ACSM2A: variants seen among roughly 807,000 people sequenced by gnomAD.
ACSM2A encodes the protein acyl-coenzyme A synthetase ACSM2A, mitochondrial.
A neutral mutation model predicts 76.6 loss-of-function variants in ACSM2A; 72 were observed. That is an observed-to-expected ratio of 0.94 (90% confidence interval 0.78 to 1.14). The LOEUF (loss-of-function observed/expected upper bound fraction) is 1.14. Ranked by LOEUF, ACSM2A falls within the 50% of genes most tolerant of loss-of-function variation. The pLI is 0.00. For missense variants in ACSM2A, 684 were observed against 708.5 expected, an observed-to-expected ratio of 0.97 and a Z score of 0.39; for synonymous variants, 249 against 255.9, an observed-to-expected ratio of 0.97 and a Z score of 0.26.
At chr16:20,469,394 G>T in intron 3 of ACSM2A, 118 bp from the exon 4 acceptor site, 17 of 1,516,432 alleles carry the variant, frequency 1.1e-5, no homozygotes, top group Non-Finnish European at 1.5e-5. Context: ...CTCTCTATTG[G>T]TCATTACTTC....
rs983606886 is a variant in ACSM2A, at chr16:20,471,090, A to G, written c.614A>G (p.His205Arg). Residue 205 changes from histidine to arginine, a missense_variant, in exon 5 of 14, where the codon CAT becomes CGT. By Grantham distance (29) the His-to-Arg change is conservative. This residue lies in a region of ACSM2A where 519 missense variants were observed against 549.5 expected (regional missense o/e 0.94). Coordinates refer to ENST00000573854, the MANE Select transcript of ACSM2A (RefSeq NM_001308172.2). Reference protein sequence around the residue: ...KKLLNEASTTHHCVETGSQEA... With the variant: ...KKLLNEASTTRHCVETGSQEA... Reference sequence around the variant, plus strand: ...TCTGTCAGTGAGGCATCCACCACTCATCACTGTGTGGAGACTGGAAGCCAG... The same window carrying G: ...TCTGTCAGTGAGGCATCCACCACTCGTCACTGTGTGGAGACTGGAAGCCAG... 2.5e-6 allele frequency: 4 copies of G among 1,613,586 alleles called. No individual in the cohort carries two copies. The highest frequency in any genetic ancestry group is 2.7e-5 in the African/African-American group (2 of 75,020).
intron 6 of ACSM2A, among the ~76,000 whole-genome samples, chr16:20,473,334 A>C (rs1049886580): frequency 1.6e-4 from 25 of 152,200 alleles, no homozygotes; most frequent in African/African-American, 5.8e-4. Context: ...AAGTTCCACC[A>C]TTAAAAAAAT....
At chr16:20,457,373 A>G (rs1033146956) in intron 1 of ACSM2A, among the ~76,000 whole-genome samples, 6 of 152,172 alleles carry the variant, frequency 3.9e-5, no homozygotes, top group South Asian at 2.1e-4. Flanking sequence ...AAAGAAAACT[A>G]CAGACCAATA....
chr16:20,472,834 C>T (rs565041551), intron 6 of ACSM2A, among the ~76,000 whole-genome samples: 1 of 152,258 alleles, frequency 6.6e-6, no homozygotes, highest in South Asian at 2.1e-4. Flanking sequence ...TAGCTGGCTG[C>T]AAAGTATTTC....
Position 20,480,859 on chromosome 16 carries a change from A to G in ACSM2A, c.1447A>G (p.Met483Val), listed in dbSNP as rs2014042642. 1.2e-6 allele frequency: 2 copies of G among 1,613,910 alleles called. No homozygotes were observed. Among genetic ancestry groups the G allele is most frequent in the East Asian group, 4.5e-5 (2 of 44,886 alleles). The change falls in exon 12 of 14, where the codon ATG becomes GTG. Residue 483 changes from methionine (M) to valine (V), a missense_variant. Around this residue, in one of 3 missense-constraint regions of ACSM2A, gnomAD observed 159 missense variants for 132.5 expected, o/e 1.20. Coordinates refer to ENST00000573854, the MANE Select transcript of ACSM2A (RefSeq NM_001308172.2). ...ACCCTCGGAGGTAGAGAATGCACTG[A>G]TGGAGCACCCTGCTGTGGTTGAGAC... ...IGPSEVENAL[M>V]EHPAVVETAV... is the part of the protein sequence containing the mutation.
chr16:20,465,287 A>G (rs2012913369), intron 2 of ACSM2A, among the ~76,000 whole-genome samples: 1 of 152,224 alleles, frequency 6.6e-6, no homozygotes, highest in Non-Finnish European at 1.5e-5. Context: ...TTATTTCTAA[A>G]AGCATACATT....
chr16:20,471,027 G>T, intron 4 of ACSM2A, 46 bp from the exon 5 acceptor site: 6 of 1,608,780 alleles, frequency 3.7e-6, no homozygotes, highest in Non-Finnish European at 5.1e-6. Flanking sequence ...TTGATATCTG[G>T]TGTCCAGTCT....
chr16:20,484,590 C>T (rs1053863375), intron 13 of ACSM2A, among the ~76,000 whole-genome samples: 7 of 139,842 alleles, frequency 5.0e-5, no homozygotes, highest in East Asian at 2.0e-4. Flanking sequence ...TTGGAATCAA[C>T]CCCTGGGGGA....
chr16:20,458,603 T>C (rs1034268711), intron 1 of ACSM2A, among the ~76,000 whole-genome samples: 11 of 143,918 alleles, frequency 7.6e-5, no homozygotes, highest in Non-Finnish European at 1.4e-4. Context: ...ATTTTTTATA[T>C]ATATATATAT....
intron 3 of ACSM2A, among the ~76,000 whole-genome samples, chr16:20,466,489 T>C (rs1237222335): frequency 6.6e-6 from 1 of 152,056 alleles, no homozygotes. Flanking sequence ...AGAGAAGAGT[T>C]TAATAATTGC....
chr16:20,486,629 A>G lies in ACSM2A; in HGVS notation c.1685A>G (p.Lys562Arg). The change falls in exon 14 of 14, where the codon AAG becomes AGG. Residue 562 changes from lysine (K) to arginine (R), a missense_variant. Coordinates refer to ENST00000573854, the MANE Select transcript of ACSM2A (RefSeq NM_001308172.2). ...KTVTGKIQRA[K>R]LRDKEWKMSG... The stretch of plus-strand genomic sequence containing the variant: ...GTCACAGGGAAAATTCAACGAGCCA[A>G]GCTTCGAGACAAGGAGTGGAAGATG... 1 of 1,614,196 alleles carries G rather than the reference A, an allele frequency of 6.2e-7. No individual in the cohort carries two copies. The highest frequency in any genetic ancestry group is 8.5e-7 in the Non-Finnish European group (1 of 1,180,016).
In ACSM2A at chr16:20,480,903, A is replaced by G; in HGVS notation, c.1491A>G (p.Pro497=). ...TTGAGACGGCTGTGATCAGCAGCCC[A>G]GACCCCGTCCGAGGAGAGGTGATGG... The part of the protein sequence containing the change: ...AVVETAVISS[P]DPVRGEVVKA... The change falls in exon 12 of 14, where the codon CCA becomes CCG. Residue 497 remains proline, a synonymous_variant. Transcript: ENST00000573854. 6.2e-7 allele frequency: 1 copy of G among 1,613,942 alleles called. No homozygotes were observed. The highest frequency in any genetic ancestry group is 8.5e-7 in the Non-Finnish European group (1 of 1,179,856).
intron 8 of ACSM2A, chr16:20,476,539 G>A (rs2013747749): frequency 1.0e-6 from 1 of 985,304 alleles, no homozygotes; most frequent in Non-Finnish European, 1.2e-6. Flanking sequence ...GGACAATGGA[G>A]TTGTGGCAAG....
chr16:20,475,576 A>G (rs1377480639), intron 7 of ACSM2A, 74 bp from the exon 8 acceptor site: 7 of 1,607,892 alleles, frequency 4.4e-6, no homozygotes, highest in African/African-American at 4.0e-5. Flanking sequence ...CAAAGCACCC[A>G]GAAACCCAGT....
chr16:20,468,356 C>T (rs1425174998), intron 3 of ACSM2A, among the ~76,000 whole-genome samples: 3 of 152,112 alleles, frequency 2.0e-5, no homozygotes, highest in Non-Finnish European at 4.4e-5. Context: ...TGTAGTTATT[C>T]TGTTCTTTTC....
intron 13 of ACSM2A, among the ~76,000 whole-genome samples, chr16:20,484,147 A>G (rs1368606849): frequency 1.3e-5 from 2 of 149,972 alleles, no homozygotes; most frequent in Non-Finnish European, 2.9e-5. Context: ...CCAATGTCAC[A>G]CTGATTAGCC....
At chr16:20,458,436 T>C (rs2012337736) in intron 1 of ACSM2A, among the ~76,000 whole-genome samples, 1 of 117,728 alleles carries the variant, frequency 8.5e-6, no homozygotes, top group Middle Eastern at 3.9e-3. Context: ...AGTTATGTAG[T>C]ATATATAACT....
At chr16:20,479,035 A>G (rs5018493) in intron 10 of ACSM2A, among the ~76,000 whole-genome samples, 1,919 of 149,494 alleles carry the variant, frequency 0.013, 28 homozygotes, top group South Asian at 0.057. Flanking sequence ...GCTCTATGCC[A>G]TTGATCTTCT....
intron 3 of ACSM2A, among the ~76,000 whole-genome samples, chr16:20,467,374 A>G (rs919952101): frequency 1.4e-5 from 2 of 143,892 alleles, no homozygotes; most frequent in Admixed American, 1.4e-4. Context: ...GTGACACTCA[A>G]ACCATTGATG....
Sources: allele counts gnomAD v4.1 joint callset (sites outside exome capture counted in the v4.1 genomes callset), GRCh38; gene constraint gnomAD v4.1.1; regional missense constraint gnomAD v4.1.1; transcripts MANE v1.5; gene names NCBI Gene and HGNC (gene_info 2026-07-23, HGNC 2026-07-21).